Variants in DDX60L observed in about 807,000 individuals in gnomAD.
The protein encoded by DDX60L is DExD/H-box 60 like.
DDX60L carries 191 observed loss-of-function variants against 211.6 expected under a neutral mutation model. The ratio of observed to expected loss-of-function variants is 0.90; its 90% CI spans 0.80 to 1.02. DDX60L has a LOEUF of 1.02. Among genes scored for constraint, DDX60L ranks in the 50% least tolerant of loss-of-function variants. The pLI is 0.00. For missense variants in DDX60L, 2,007 were observed against 1,984.1 expected (o/e 1.01, Z -0.22); for synonymous variants, 706 against 694.1 (o/e 1.02, Z -0.27).
At chr4:168,468,929 T>C (rs915584738) in intron 4 of DDX60L, 10 of 152,302 alleles carry the variant, frequency 6.6e-5, no homozygotes, top group Middle Eastern at 3.4e-3. Context: ...GCCTCCACAC[T>C]GAAGACTACA....
intron 4 of DDX60L, among the ~76,000 whole-genome samples, chr4:168,463,357 T>C (rs1441012391): frequency 6.6e-6 from 1 of 152,218 alleles, no homozygotes; most frequent in Non-Finnish European, 1.5e-5. Flanking sequence ...TACTGCATGT[T>C]GTCACTTGTA....
intron 22 of DDX60L, 55 bp downstream of exon 22, chr4:168,415,353 G>T: frequency 9.4e-7 from 1 of 1,060,268 alleles, no homozygotes; most frequent in Non-Finnish European, 1.4e-6. Flanking sequence ...TCCCTTTCCA[G>T]TTGCGATATA....
intron 31 of DDX60L, 68 bp downstream of exon 31, chr4:168,379,658 G>T: frequency 1.5e-6 from 2 of 1,324,138 alleles, no homozygotes; most frequent in South Asian, 1.3e-5. Flanking sequence ...AATTTCAGTT[G>T]GTTTAGCATA....
At chr4:168,416,626 C>G in intron 20 of DDX60L, 56 bp downstream of exon 20, 4 of 1,000,696 alleles carry the variant, frequency 4.0e-6, no homozygotes, top group Middle Eastern at 2.2e-4. Context: ...ACCATATAGA[C>G]AGTATATAAT....
At chr4:168,388,746 A>G (rs1744304618) in intron 29 of DDX60L, among the ~76,000 whole-genome samples, 1 of 152,152 alleles carries the variant, frequency 6.6e-6, no homozygotes, top group African/African-American at 2.4e-5. Flanking sequence ...GATCTAGCAC[A>G]TAGGTACCTG....
intron 8 of DDX60L, among the ~76,000 whole-genome samples, chr4:168,449,805 T>TAAAAAA (rs777111638): frequency 1.3e-5 from 1 of 77,794 alleles, no homozygotes; most frequent in African/African-American, 4.4e-5. Flanking sequence ...TGGGTAAAAA[T>TAAAAAA]AAAAAAAAAA....
Position 168,441,479 on chromosome 4 carries a change from A to G in DDX60L, c.1152T>C (p.Asn384=). 6.2e-7 allele frequency: 1 copy of G among 1,600,634 alleles called. No individual in the cohort carries two copies. The highest frequency in any genetic ancestry group is 8.5e-7 in the Non-Finnish European group (1 of 1,173,912). Residue 384 remains asparagine (N), a synonymous_variant, in exon 10 of 38, where the codon AAT becomes AAC. Coordinates refer to ENST00000682922, the MANE Select transcript of DDX60L (RefSeq NM_001012967.3). Reference sequence around the variant, plus strand: ...AATCCCTCCTAATGGAATCTCCCAAATTCAAATGTGGTTCTGCATAACAAT... The same window carrying G: ...AATCCCTCCTAATGGAATCTCCCAAGTTCAAATGTGGTTCTGCATAACAAT... The part of the protein sequence containing the change: ...EFESTQEPHL[N]LGDSIRRDYE...
At chr4:168,370,760 A>T (rs949627865) in intron 36 of DDX60L, among the ~76,000 whole-genome samples, 7 of 152,070 alleles carry the variant, frequency 4.6e-5, no homozygotes, top group African/African-American at 1.2e-4. Flanking sequence ...TAAATATTTA[A>T]AACTTATTTT....
chr4:168,435,065 C>T (rs1383145370), intron 10 of DDX60L, among the ~76,000 whole-genome samples: 1 of 152,158 alleles, frequency 6.6e-6, no homozygotes, highest in African/African-American at 2.4e-5. Flanking sequence ...GCACTAATTC[C>T]AGAAGACCCA....
chr4:168,477,591 T>C (rs1215966915), intron 1 of DDX60L, among the ~76,000 whole-genome samples: 1 of 152,186 alleles, frequency 6.6e-6, no homozygotes, highest in African/African-American at 2.4e-5. Flanking sequence ...ATCCTCATCT[T>C]AGATGTAAAA....
intron 10 of DDX60L, 39 bp from the exon 11 acceptor site, chr4:168,433,154 T>C (rs1752593549): frequency 1.6e-6 from 2 of 1,286,310 alleles, no homozygotes; most frequent in Non-Finnish European, 2.2e-6. Context: ...AGGAAAGGTG[T>C]AACTATCCTA....
At chr4:168,424,443 T>C (rs1751149078) in intron 14 of DDX60L, among the ~76,000 whole-genome samples, 1 of 152,192 alleles carries the variant, frequency 6.6e-6, no homozygotes, top group South Asian at 2.1e-4. Flanking sequence ...AAATATCCTC[T>C]TTCTTAACAA....
At chr4:168,460,961 T>C (rs1385546689) in intron 5 of DDX60L, among the ~76,000 whole-genome samples, 2 of 152,196 alleles carry the variant, frequency 1.3e-5, no homozygotes, top group African/African-American at 4.8e-5. Flanking sequence ...ATGGAACAGA[T>C]GCACAGGGCA....
intron 19 of DDX60L, 75 bp from the exon 20 acceptor site, chr4:168,416,872 A>G (rs1749656777): frequency 5.1e-6 from 4 of 790,436 alleles, no homozygotes; most frequent in Non-Finnish European, 8.0e-6. Flanking sequence ...TAAAATCATC[A>G]TGCATATTTT....
chr4:168,400,291 T>C (rs561509452), intron 26 of DDX60L, among the ~76,000 whole-genome samples: 11 of 152,316 alleles, frequency 7.2e-5, no homozygotes, highest in South Asian at 2.1e-4. Context: ...GTTGATTCCA[T>C]GTCTTTGCTA....
chr4:168,439,559 G>A (rs552016033), intron 10 of DDX60L, among the ~76,000 whole-genome samples: 8 of 152,122 alleles, frequency 5.3e-5, no homozygotes, highest in Non-Finnish European at 1.2e-4. Flanking sequence ...CTAGTTCTGT[G>A]TATCTGGTAG....
At position 168,427,223 on chromosome 4, in the gene DDX60L, T is replaced by A. The variant is rs752789876; in HGVS notation, c.1777A>T (p.Ile593Phe). 1 of 1,613,838 alleles carries A rather than the reference T, an allele frequency of 6.2e-7. No individual in the cohort carries two copies. The highest frequency in any genetic ancestry group is 1.6e-4 in the Middle Eastern group (1 of 6,062). Residue 593 changes from isoleucine to phenylalanine, a missense_variant, in exon 14 of 38, where the codon ATT (isoleucine) becomes TTT (phenylalanine). Coordinates refer to ENST00000682922, the MANE Select transcript of DDX60L (RefSeq NM_001012967.3). ...AQQNDDLLFSIEEEMKNNLHS... is the reference protein window; with the variant it reads ...AQQNDDLLFSFEEEMKNNLHS... Reference sequence around the variant, plus strand: ...AAATTGTTCTTCATCTCCTCTTCAATAGAAAACAGCAGATCATCGTTTTGC... The same window carrying A: ...AAATTGTTCTTCATCTCCTCTTCAAAAGAAAACAGCAGATCATCGTTTTGC...
At chr4:168,385,362 C>T (rs1416847831) in intron 29 of DDX60L, among the ~76,000 whole-genome samples, 1 of 152,200 alleles carries the variant, frequency 6.6e-6, no homozygotes, top group African/African-American at 2.4e-5. Flanking sequence ...CCTCAGAGGG[C>T]ATGGAAGCTC....
At chr4:168,366,718 C>G (rs1053419221) in intron 36 of DDX60L, among the ~76,000 whole-genome samples, 1 of 152,082 alleles carries the variant, frequency 6.6e-6, no homozygotes, top group African/African-American at 2.4e-5. Context: ...ATCACACTGA[C>G]TTCAACACAC....
Sources: allele counts gnomAD v4.1 joint callset (sites outside exome capture counted in the v4.1 genomes callset), GRCh38; gene constraint gnomAD v4.1.1; transcripts MANE v1.5; gene names NCBI Gene and HGNC (gene_info 2026-07-23, HGNC 2026-07-21).